The following DNER variants were observed in gnomAD, a reference collection of about 807,000 sequenced individuals.
The protein encoded by DNER is delta/notch like EGF repeat containing.
DNER carries 33 observed loss-of-function variants against 78.2 expected under a neutral mutation model. That is an observed-to-expected ratio of 0.42 (90% CI 0.32 to 0.56). The LOEUF is 0.56. Among genes scored for constraint, DNER ranks in the 20% least tolerant of loss-of-function variants. DNER has a pLI of 0.11. For synonymous variants in DNER, 417 were observed against 384.8 expected (o/e 1.08, Z -0.98); for missense variants, 918 against 975.3 (o/e 0.94, Z 0.78).
At position 229,405,379 on chromosome 2, in the gene DNER, A is replaced by G. The variant is rs574050023; in HGVS notation, c.1723+1853T>C. 3.9e-5 allele frequency among the ~76,000 whole-genome samples: 6 copies of G among 152,246 alleles called. No homozygotes were observed. The South Asian group carries it at 1.2e-3, about 32-fold the overall frequency. On this transcript the variant is annotated intron_variant, in intron 10 of 12. Coordinates refer to ENST00000341772, the MANE Select transcript of DNER (RefSeq NM_139072.4). The stretch of plus-strand genomic sequence containing the variant: ...TCGAAATATGTATGTATTCTCCTGT[A>G]CCCTGGGATTCTATTTCTGCAAAAT...
At chr2:229,701,014 T>G (rs1389343083) in intron 1 of DNER, among the ~76,000 whole-genome samples, 1 of 152,230 alleles carries the variant, frequency 6.6e-6, no homozygotes, top group Admixed American at 6.5e-5. Context: ...TAAAAGTATT[T>G]ACATAGGCTT....
At chr2:229,608,712 G>A (rs1249687819) in intron 1 of DNER, among the ~76,000 whole-genome samples, 1 of 152,162 alleles carries the variant, frequency 6.6e-6, no homozygotes, top group Non-Finnish European at 1.5e-5. Flanking sequence ...TTGTTTCTGG[G>A]TAGAGAGGGA....
At chr2:229,570,721 T>C (rs770005476) in intron 4 of DNER, among the ~76,000 whole-genome samples, 2 of 149,522 alleles carry the variant, frequency 1.3e-5, no homozygotes, top group Non-Finnish European at 3.0e-5. Context: ...AGAAGCGGGG[T>C]TGCAGTTGTA....
intron 9 of DNER, among the ~76,000 whole-genome samples, chr2:229,407,642 T>C (rs1160752694): frequency 6.6e-6 from 1 of 152,194 alleles, no homozygotes; most frequent in Non-Finnish European, 1.5e-5. Context: ...GCCTGAAAGA[T>C]AAATTAATCA....
chr2:229,397,478 A>AAAAAAAAAAAAAAAAG, intron 10 of DNER, among the ~76,000 whole-genome samples: 1 of 151,230 alleles, frequency 6.6e-6, no homozygotes, highest in Non-Finnish European at 1.5e-5. Flanking sequence ...AAAAAAAAAA[A>AAAAAAAAAAAAAAAAG]ACTGCAAGTC....
chr2:229,605,823 C>T (rs1039126038), intron 1 of DNER, among the ~76,000 whole-genome samples: 12 of 152,176 alleles, frequency 7.9e-5, no homozygotes, highest in African/African-American at 2.6e-4. Context: ...ACCTAGGAGG[C>T]GGAGGTTGCA....
intron 11 of DNER, among the ~76,000 whole-genome samples, chr2:229,368,640 T>C (rs369754088): frequency 6.6e-6 from 1 of 152,352 alleles, no homozygotes; most frequent in East Asian, 1.9e-4. Context: ...AGTATGATAA[T>C]GATGGCAAAC....
At chr2:229,538,085 G>A (rs189581954) in intron 5 of DNER, among the ~76,000 whole-genome samples, 41 of 152,232 alleles carry the variant, frequency 2.7e-4, no homozygotes, top group Admixed American at 8.5e-4. Flanking sequence ...CAGCTGGGCT[G>A]CACTTACTTT....
intron 8 of DNER, among the ~76,000 whole-genome samples, chr2:229,433,293 G>A (rs147635705): frequency 3.0e-4 from 45 of 152,212 alleles, no homozygotes; most frequent in Admixed American, 7.2e-4. Context: ...TAATCCAACC[G>A]CAAAACATAT....
At chr2:229,668,446 TTA>T (rs531818328) in intron 1 of DNER, among the ~76,000 whole-genome samples, 6 of 122,888 alleles carry the variant, frequency 4.9e-5, no homozygotes, top group Admixed American at 1.6e-4. Flanking sequence ...ATATATACAC[TTA>T]TATATATATA....
chr2:229,651,486 A>G (rs1698816193), intron 1 of DNER, among the ~76,000 whole-genome samples: 1 of 152,170 alleles, frequency 6.6e-6, no homozygotes, highest in Non-Finnish European at 1.5e-5. Flanking sequence ...CAGGTTCTCA[A>G]GACATCACCT....
intron 7 of DNER, among the ~76,000 whole-genome samples, chr2:229,475,268 C>T (rs1039491097): frequency 2.6e-5 from 4 of 152,180 alleles, no homozygotes; most frequent in African/African-American, 7.2e-5. Flanking sequence ...CCTCCCCCTC[C>T]GACTCCCTCC....
chr2:229,504,568 A>G (rs1402864087), intron 6 of DNER, among the ~76,000 whole-genome samples: 2 of 152,248 alleles, frequency 1.3e-5, no homozygotes, highest in African/African-American at 4.8e-5. Context: ...AAAGATGTTC[A>G]GAACTAAACT....
At chr2:229,412,571 G>T (rs1369810997) in intron 9 of DNER, among the ~76,000 whole-genome samples, 1 of 152,174 alleles carries the variant, frequency 6.6e-6, no homozygotes, top group Non-Finnish European at 1.5e-5. Flanking sequence ...AAAATAGAGA[G>T]TTAAAGGAGG....
intron 6 of DNER, among the ~76,000 whole-genome samples, chr2:229,484,083 A>G (rs745834430): frequency 1.3e-4 from 20 of 152,168 alleles, no homozygotes; most frequent in Admixed American, 2.0e-4. Context: ...GACCCTCCAA[A>G]CTTAAACATT....
intron 11 of DNER, among the ~76,000 whole-genome samples, chr2:229,367,868 G>C (rs368445990): frequency 2.0e-4 from 30 of 152,302 alleles, no homozygotes; most frequent in African/African-American, 6.7e-4. Context: ...TTATGCTGGG[G>C]AAGTAGCTCA....
chr2:229,702,605 C>T (rs1056743174), intron 1 of DNER, among the ~76,000 whole-genome samples: 3 of 151,942 alleles, frequency 2.0e-5, no homozygotes, highest in Admixed American at 2.0e-4. Context: ...TTGAAACCAT[C>T]CACAGATCCC....
chr2:229,655,715 G>A (rs765048769), intron 1 of DNER, among the ~76,000 whole-genome samples: 1 of 152,186 alleles, frequency 6.6e-6, no homozygotes, highest in South Asian at 2.1e-4. Context: ...GGAAAAGGGG[G>A]TCTTTGCAGA....
intron 5 of DNER, among the ~76,000 whole-genome samples, chr2:229,543,104 G>GCT (rs566713843): frequency 2.1e-3 from 323 of 152,124 alleles, no homozygotes; most frequent in African/African-American, 7.2e-3. Context: ...GGCACCAGAA[G>GCT]CTCTTCAAAA....
Sources: allele counts gnomAD v4.1 joint callset (sites outside exome capture counted in the v4.1 genomes callset), GRCh38; gene constraint gnomAD v4.1.1; transcripts MANE v1.5; gene names NCBI Gene and HGNC (gene_info 2026-07-23, HGNC 2026-07-21).